The following TASP1 variants were observed in gnomAD, a reference collection of about 807,000 sequenced individuals.
TASP1 encodes the protein taspase 1, also known as threonine aspartase 1.
Under a neutral mutation model 56.6 loss-of-function variants are expected in TASP1, and 16 were observed. That is an observed-to-expected ratio of 0.28 (90% CI 0.19 to 0.43). The LOEUF (loss-of-function observed/expected upper bound fraction) is 0.43. Among genes scored for constraint, TASP1 ranks in the 20% least tolerant of loss-of-function variants. TASP1 has a pLI of 1.00. For synonymous variants in TASP1, 179 were observed against 184.2 expected, an observed-to-expected ratio of 0.97 and a Z score of 0.23; for missense variants, 393 against 511.6, an observed-to-expected ratio of 0.77 and a Z score of 2.24.
chr20:13,416,351 A>T (rs1171121308), intron 13 of TASP1, among the ~76,000 whole-genome samples: 1 of 152,208 alleles, frequency 6.6e-6, no homozygotes, highest in Non-Finnish European at 1.5e-5. Context: ...CACAATAGGA[A>T]TATTGTACCA....
chr20:13,326,689 C>T, the TASP1 span, among the ~76,000 whole-genome samples: 1 of 152,028 alleles, frequency 6.6e-6, no homozygotes, highest in African/African-American at 2.4e-5. Flanking sequence ...GTCTTTTGTT[C>T]ATTTTTTAAA....
the TASP1 span, among the ~76,000 whole-genome samples, chr20:13,379,427 T>C: frequency 1.3e-5 from 2 of 152,224 alleles, no homozygotes; most frequent in African/African-American, 4.8e-5. Context: ...GCTTATAGGG[T>C]TTCTGCAGAG....
chr20:13,577,227 T>C (rs1042813804), intron 6 of TASP1, among the ~76,000 whole-genome samples: 3 of 152,122 alleles, frequency 2.0e-5, no homozygotes, highest in African/African-American at 7.2e-5. Context: ...GGTAAGTGTT[T>C]TGTTGAATGA....
chr20:13,107,045 G>A, the TASP1 span, among the ~76,000 whole-genome samples: 1 of 152,172 alleles, frequency 6.6e-6, no homozygotes, highest in Admixed American at 6.5e-5. Flanking sequence ...AAATGGGTTT[G>A]AGGTTCCCAT....
chr20:13,526,783 A>C (rs562987198), intron 10 of TASP1, among the ~76,000 whole-genome samples: 1 of 152,246 alleles, frequency 6.6e-6, no homozygotes, highest in Non-Finnish European at 1.5e-5. Flanking sequence ...CACAAATATG[A>C]GAGTGGTGCC....
At chr20:13,432,378 T>A (rs2042839844) in intron 12 of TASP1, among the ~76,000 whole-genome samples, 1 of 152,106 alleles carries the variant, frequency 6.6e-6, no homozygotes, top group South Asian at 2.1e-4. Context: ...AACCAAAGAC[T>A]GACTGGTGGC....
At chr20:13,222,478 G>C in the TASP1 span, among the ~76,000 whole-genome samples, 2 of 152,006 alleles carry the variant, frequency 1.3e-5, no homozygotes, top group South Asian at 2.1e-4. Context: ...CTTCCTCCGG[G>C]AGCCTCGCCT....
At chr20:13,199,034 T>C in the TASP1 span, among the ~76,000 whole-genome samples, 1 of 151,394 alleles carries the variant, frequency 6.6e-6, no homozygotes, top group Non-Finnish European at 1.5e-5. Flanking sequence ...GCCTCCCAAG[T>C]AGCTAGGACC....
At chr20:13,160,261 G>C in the TASP1 span, 1 of 1,147,442 alleles carries the variant, frequency 8.7e-7, no homozygotes, top group Non-Finnish European at 1.2e-6. Flanking sequence ...ACTGACAAAA[G>C]TCACTGCCAA....
intron 10 of TASP1, among the ~76,000 whole-genome samples, chr20:13,502,848 G>T (rs542287380): frequency 6.6e-6 from 1 of 152,134 alleles, no homozygotes; most frequent in Non-Finnish European, 1.5e-5. Flanking sequence ...CACACAGTTG[G>T]AGCACAAGAT....
the TASP1 span, among the ~76,000 whole-genome samples, chr20:13,371,600 G>A: frequency 6.6e-6 from 1 of 152,164 alleles, no homozygotes; most frequent in East Asian, 1.9e-4. Flanking sequence ...TGTTCCTTGT[G>A]CACTTGAGAA....
At chr20:13,619,181 A>G (rs1425117486) in intron 4 of TASP1, among the ~76,000 whole-genome samples, 1 of 152,166 alleles carries the variant, frequency 6.6e-6, no homozygotes, top group Admixed American at 6.6e-5. Flanking sequence ...TACAGGCATG[A>G]GCCACCGTGC....
At chr20:13,440,277 G>A (rs1002672457) in intron 11 of TASP1, among the ~76,000 whole-genome samples, 2 of 152,188 alleles carry the variant, frequency 1.3e-5, no homozygotes, top group Non-Finnish European at 2.9e-5. Flanking sequence ...GAAAGCTACA[G>A]GATGAATGTT....
the TASP1 span, among the ~76,000 whole-genome samples, chr20:13,214,562 C>CAGAGAGAGAGAGAGAG: frequency 4.5e-5 from 5 of 111,302 alleles, no homozygotes; most frequent in African/African-American, 9.8e-5. Context: ...CACACACACA[C>CAGAGAGAGAGAGAGAG]AGAGAGAGAG....
chr20:13,290,177 T>C, the TASP1 span, among the ~76,000 whole-genome samples: 1 of 152,178 alleles, frequency 6.6e-6, no homozygotes, highest in South Asian at 2.1e-4. Context: ...TTCCTGACTT[T>C]CCCATGCTCA....
At chr20:13,575,958 T>C (rs1337591593) in intron 6 of TASP1, among the ~76,000 whole-genome samples, 1 of 152,012 alleles carries the variant, frequency 6.6e-6, no homozygotes, top group African/African-American at 2.4e-5. Context: ...ACATCTGTAA[T>C]CCCAGCACTG....
the TASP1 span, chr20:13,279,871 T>G: frequency 6.2e-7 from 1 of 1,613,968 alleles, no homozygotes; most frequent in South Asian, 1.1e-5. Context: ...CCACCGGACT[T>G]TTGAAACCAA....
the TASP1 span, among the ~76,000 whole-genome samples, chr20:13,271,006 A>T: frequency 6.6e-6 from 1 of 152,250 alleles, no homozygotes; most frequent in Non-Finnish European, 1.5e-5. Context: ...GGATTACAAG[A>T]TACATACTAA....
intron 12 of TASP1, among the ~76,000 whole-genome samples, chr20:13,433,051 G>A (rs745441026): frequency 1.6e-4 from 25 of 152,030 alleles, no homozygotes; most frequent in Non-Finnish European, 2.6e-4. Context: ...AGGTATACAC[G>A]TGCCATGGAG....
Sources: allele counts gnomAD v4.1 joint callset (sites outside exome capture counted in the v4.1 genomes callset), GRCh38; gene constraint gnomAD v4.1.1; transcripts MANE v1.5; gene names NCBI Gene and HGNC (gene_info 2026-07-23, HGNC 2026-07-21).